The following SV2B variants were observed in gnomAD, a reference collection of about 807,000 sequenced individuals.
SV2B encodes the protein solute carrier family 22 member B2.
SV2B carries 41 observed loss-of-function variants against 73.9 expected under a neutral mutation model. The ratio of observed to expected loss-of-function variants is 0.56; its 90% CI spans 0.43 to 0.72. SV2B has a LOEUF of 0.72. Ranked by LOEUF, SV2B falls within the 30% of genes least tolerant of loss-of-function variation. The pLI is 0.00. For missense variants in SV2B, 764 were observed against 857.8 expected (o/e 0.89, Z 1.37); for synonymous variants, 314 against 314.2 (o/e 1.00, Z 0.01).
chr15:91,236,140 C>T lies in SV2B; in HGVS notation c.451+9426C>T, dbSNP rs976086777. Among the ~76,000 whole-genome samples the T allele has an allele frequency of 2.0e-5, 3 of 152,192 alleles. No homozygotes were observed. Among genetic ancestry groups the T allele is most frequent in the African/African-American group, 7.2e-5 (3 of 41,456 alleles). The stretch of plus-strand genomic sequence containing the variant: ...CAAGGATGTCTCAGGACATTCTGTC[C>T]ACTTTGCCTGCAGAATATCTCCCTT... On this transcript the variant is annotated intron_variant, in intron 2 of 12. Coordinates refer to ENST00000394232, the MANE Select transcript of SV2B (RefSeq NM_001323032.3). The surrounding 1 kb of genome is among the most constrained non-coding windows in gnomAD (Gnocchi z 4.1).
rs1042703322 is a variant in SV2B at position 91,278,649 on chromosome 15, G to A, written c.1374-3079G>A. Among the ~76,000 whole-genome samples the A allele has an allele frequency of 5.7e-5, 6 of 105,992 alleles. 1 individual carries two copies. The highest frequency in any genetic ancestry group is 2.7e-4 in the South Asian group (1 of 3,670). The allele number at this position is 105,992 out of a possible 152,430, so 69.5% of individuals were successfully genotyped here. On this transcript the variant is annotated intron_variant, in intron 9 of 12. Transcript: ENST00000394232. ...AGCCGAGATTGCGCCACTGCAGTCC[G>A]GCCTGGGCGACAGAGCGAGACTCCG...
At position 91,265,925 on chromosome 15, in the gene SV2B, G is replaced by A. The variant is rs143322825; in HGVS notation, c.1009-657G>A. Among the ~76,000 whole-genome samples the A allele has an allele frequency of 0.012, 1,852 of 152,310 alleles. 34 individuals are homozygous for A. Among genetic ancestry groups the A allele is most frequent in the African/African-American group, 0.042 (1,735 of 41,562 alleles). ...TGGGAGGCCAAGGCAGGTGGATCAC[G>A]AGGCCAGGAGATGGAGACCATCCTG... On this transcript the variant is annotated intron_variant, in intron 6 of 12. Transcript: ENST00000394232. The surrounding 1 kb of genome is among the most constrained non-coding windows in gnomAD (Gnocchi z 4.2).
chr15:91,276,107 A>G lies in SV2B; in HGVS notation c.1374-5621A>G, dbSNP rs566033174. ...GTTAGAAATTTAAAGCTTTCACCCT[A>G]TTGTCTTTTGGCTTGCATACTTTCT... On this transcript the variant is annotated intron_variant, in intron 9 of 12. Coordinates refer to ENST00000394232, the MANE Select transcript of SV2B (RefSeq NM_001323032.3). Among the ~76,000 whole-genome samples, 6 of 145,090 alleles carry G rather than the reference A, an allele frequency of 4.1e-5. No individual in the cohort carries two copies. In the East Asian group the frequency reaches 1.2e-3, roughly 29 times the overall value.
rs1399549583 is a variant in SV2B, at chr15:91,137,498, A to G, written c.-392+37135A>G. Among the ~76,000 whole-genome samples the G allele has an allele frequency of 6.6e-6, 1 of 151,096 alleles. No homozygotes were observed. The highest frequency in any genetic ancestry group is 1.5e-5 in the Non-Finnish European group (1 of 67,836). On this transcript the variant is annotated intron_variant, in intron 1 of 12. Coordinates refer to ENST00000394232, the MANE Select transcript of SV2B (RefSeq NM_001323032.3). This position sits in a 1 kb window ranked among gnomAD's most constrained non-coding sequence, Gnocchi z 4.9. ...TGGAAGACAAATTACATGTATATTT[A>G]CTTTGAGACTCAGAAATCTCACTTA...
chr15:91,198,455 A>ATATG (rs2045335004), intron 1 of SV2B, among the ~76,000 whole-genome samples: 1 of 136,756 alleles, frequency 7.3e-6, no homozygotes, highest in African/African-American at 2.7e-5. Flanking sequence ...AAGCACGTGT[A>ATATG]TGTGTGTGTG....
At chr15:91,198,805 A>G (rs2045353671) in intron 1 of SV2B, among the ~76,000 whole-genome samples, 1 of 152,098 alleles carries the variant, frequency 6.6e-6, no homozygotes, top group South Asian at 2.1e-4. Flanking sequence ...CTTGGCCTCG[A>G]CCCAGAGTCC....
chr15:91,227,897 C>T lies in SV2B; in HGVS notation c.451+1183C>T, dbSNP rs116413909. The stretch of plus-strand genomic sequence containing the variant: ...AGACCCAGATAGTAAATATTGTAGA[C>T]CTTGCAGACCCAGATGGTCTCTGTC... On this transcript the variant is annotated intron_variant, in intron 2 of 12. Coordinates refer to ENST00000394232, the MANE Select transcript of SV2B (RefSeq NM_001323032.3). This position sits in a 1 kb window ranked among gnomAD's most constrained non-coding sequence, Gnocchi z 4.5. Among the ~76,000 whole-genome samples the T allele has an allele frequency of 5.3e-3, 803 of 152,290 alleles. 7 individuals carry two copies. The highest frequency in any genetic ancestry group is 0.018 in the African/African-American group (752 of 41,544).
Position 91,290,789 on chromosome 15 carries a change from T to C in SV2B, c.1868+1109T>C, listed in dbSNP as rs1297140286. ...GATTTGGGAGGCCGAGGCAAAAGGATTGCTTGAAGGCTGGAGTTCAAGATC... is the reference window on the plus strand; with the variant it reads ...GATTTGGGAGGCCGAGGCAAAAGGACTGCTTGAAGGCTGGAGTTCAAGATC... On this transcript the variant is annotated intron_variant, in intron 12 of 12. Transcript: ENST00000394232. This position sits in a 1 kb window ranked among gnomAD's most constrained non-coding sequence, Gnocchi z 4.7. Among the ~76,000 whole-genome samples the C allele has an allele frequency of 6.6e-6, 1 of 152,082 alleles. No homozygotes were observed.
intron 1 of SV2B, among the ~76,000 whole-genome samples, chr15:91,175,297 C>T (rs903090223): frequency 1.1e-4 from 16 of 151,956 alleles, no homozygotes; most frequent in African/African-American, 3.1e-4. Context: ...CTGTGTAGCC[C>T]AGGCTGGAGT....
At chr15:91,155,209 G>A (rs28635382) in intron 1 of SV2B, among the ~76,000 whole-genome samples, 1,979 of 152,244 alleles carry the variant, frequency 0.013, 50 homozygotes, top group African/African-American at 0.045. Flanking sequence ...AGGGAAGGGC[G>A]TGGTTAAGGT....
At chr15:91,142,649 T>C (rs2043030481) in intron 1 of SV2B, among the ~76,000 whole-genome samples, 1 of 152,210 alleles carries the variant, frequency 6.6e-6, no homozygotes, top group African/African-American at 2.4e-5. Flanking sequence ...CCTATTCTAT[T>C]AGTTTTATCC....
chr15:91,129,868 A>G lies in SV2B; in HGVS notation c.-392+29505A>G, dbSNP rs983720075. Among the ~76,000 whole-genome samples the G allele has an allele frequency of 1.3e-5, 2 of 152,194 alleles. No homozygotes were observed. The highest frequency in any genetic ancestry group is 2.4e-5 in the African/African-American group (1 of 41,456). On this transcript the variant is annotated intron_variant, in intron 1 of 12. Coordinates refer to ENST00000394232, the MANE Select transcript of SV2B (RefSeq NM_001323032.3). This position sits in a 1 kb window ranked among gnomAD's most constrained non-coding sequence, Gnocchi z 5.1. The stretch of plus-strand genomic sequence containing the variant: ...TCATCTGTAAAAGAGAGACAAGAAG[A>G]GTACTCATGCGGGGATCTCGGGAGG...
intron 2 of SV2B, among the ~76,000 whole-genome samples, chr15:91,250,937 A>G (rs189373459): frequency 2.6e-5 from 4 of 152,354 alleles, no homozygotes; most frequent in Admixed American, 2.0e-4. Flanking sequence ...GGCATTTTTC[A>G]TAGAAATAGG....
At chr15:91,112,301 C>T (rs1400360214) in intron 1 of SV2B, among the ~76,000 whole-genome samples, 2 of 152,242 alleles carry the variant, frequency 1.3e-5, no homozygotes, top group East Asian at 3.9e-4. Context: ...GTCTTGGCTC[C>T]TGAAATGCTC....
chr15:91,272,653 A>C (rs1181278744), intron 9 of SV2B, among the ~76,000 whole-genome samples: 1 of 151,980 alleles, frequency 6.6e-6, no homozygotes, highest in Non-Finnish European at 1.5e-5. Flanking sequence ...ATGAAAATGA[A>C]GTTCACAAGA....
At chr15:91,167,397 T>G (rs2043954421) in intron 1 of SV2B, among the ~76,000 whole-genome samples, 1 of 152,246 alleles carries the variant, frequency 6.6e-6, no homozygotes, top group African/African-American at 2.4e-5. Flanking sequence ...CTTATAATTT[T>G]GATCAGAATT....
chr15:91,243,650 C>T (rs950224885), intron 2 of SV2B, among the ~76,000 whole-genome samples: 1 of 152,128 alleles, frequency 6.6e-6, no homozygotes, highest in African/African-American at 2.4e-5. Flanking sequence ...AATGTTGTCT[C>T]ATGGTTTCAT....
At chr15:91,156,933 T>C (rs1291342623) in intron 1 of SV2B, among the ~76,000 whole-genome samples, 1 of 152,226 alleles carries the variant, frequency 6.6e-6, no homozygotes, top group African/African-American at 2.4e-5. Flanking sequence ...GGACAGATGC[T>C]TTATTCAGAA....
intron 9 of SV2B, among the ~76,000 whole-genome samples, chr15:91,269,833 C>T (rs1194610575): frequency 6.6e-6 from 1 of 152,180 alleles, no homozygotes; most frequent in Non-Finnish European, 1.5e-5. Flanking sequence ...TTCAGATTTT[C>T]AGAATTTTTA....
Sources: allele counts gnomAD v4.1 joint callset (sites outside exome capture counted in the v4.1 genomes callset), GRCh38; gene constraint gnomAD v4.1.1; non-coding constraint Gnocchi (gnomAD v3.1); transcripts MANE v1.5; gene names NCBI Gene and HGNC (gene_info 2026-07-23, HGNC 2026-07-21).